NCAM2: variants seen among roughly 807,000 people sequenced by gnomAD.
NCAM2 encodes neural cell adhesion molecule 2, also known as N-CAM-2.
A neutral mutation model predicts 98.1 loss-of-function variants in NCAM2; 30 were observed. The observed-to-expected ratio is 0.31, with a 90% confidence interval of 0.23 to 0.41. NCAM2 has a LOEUF of 0.41. Ranked by LOEUF, NCAM2 falls within the 10% of genes least tolerant of loss-of-function variation. The pLI is 1.00. For synonymous variants in NCAM2, 368 were observed against 342.4 expected, an observed-to-expected ratio of 1.07 and a Z score of -0.83; for missense variants, 867 against 1,005.8, an observed-to-expected ratio of 0.86 and a Z score of 1.87.
At chr21:21,277,106 G>C (rs2072756002) in intron 1 of NCAM2, among the ~76,000 whole-genome samples, 1 of 152,022 alleles carries the variant, frequency 6.6e-6, no homozygotes. Flanking sequence ...TAGGCATTAA[G>C]TAATAATTCA....
intron 9 of NCAM2, among the ~76,000 whole-genome samples, chr21:21,402,053 A>C (rs1039107333): frequency 1.3e-5 from 2 of 152,192 alleles, no homozygotes; most frequent in Non-Finnish European, 2.9e-5. Flanking sequence ...TAACTGTACA[A>C]ATTGATTGTA....
intron 5 of NCAM2, among the ~76,000 whole-genome samples, chr21:21,308,039 TC>T (rs1234013391): frequency 3.4e-5 from 5 of 147,782 alleles, no homozygotes; most frequent in Admixed American, 1.4e-4. Flanking sequence ...ACATTATTCT[TC>T]CCCCAACAAC....
At chr21:21,208,822 C>A (rs1445157293) in intron 1 of NCAM2, among the ~76,000 whole-genome samples, 1 of 152,038 alleles carries the variant, frequency 6.6e-6, no homozygotes, top group African/African-American at 2.4e-5. Context: ...TTATATCATG[C>A]TCAGTAAGTT....
At chr21:21,010,240 A>C (rs1356804657) in intron 1 of NCAM2, among the ~76,000 whole-genome samples, 2 of 152,010 alleles carry the variant, frequency 1.3e-5, no homozygotes, top group African/African-American at 4.8e-5. Flanking sequence ...CGCTATGTTA[A>C]TGCATTTTAC....
intron 1 of NCAM2, among the ~76,000 whole-genome samples, chr21:21,050,687 T>C (rs1167131517): frequency 1.3e-5 from 2 of 152,140 alleles, no homozygotes; most frequent in African/African-American, 4.8e-5. Flanking sequence ...ACCTGAAAGA[T>C]GTTTTAGTGT....
At chr21:21,084,157 T>C (rs1035185521) in intron 1 of NCAM2, among the ~76,000 whole-genome samples, 2 of 152,214 alleles carry the variant, frequency 1.3e-5, no homozygotes, top group Admixed American at 6.5e-5. Flanking sequence ...CAGGAGGCTC[T>C]CTGGACTCTC....
At chr21:21,147,310 C>T in intron 1 of NCAM2, 9 of 965,302 alleles carry the variant, frequency 9.3e-6, no homozygotes, top group Non-Finnish European at 1.1e-5. Flanking sequence ...AAAAAAAAGA[C>T]AATTTATTTG....
intron 1 of NCAM2, among the ~76,000 whole-genome samples, chr21:21,245,467 G>A (rs1179631966): frequency 6.6e-6 from 1 of 152,132 alleles, no homozygotes; most frequent in Non-Finnish European, 1.5e-5. Flanking sequence ...GATGTACATG[G>A]GAAGTTGTTT....
chr21:21,090,373 G>T (rs1290810607), intron 1 of NCAM2, among the ~76,000 whole-genome samples: 2 of 151,896 alleles, frequency 1.3e-5, no homozygotes, highest in African/African-American at 4.8e-5. Flanking sequence ...TAGGCCTAGG[G>T]GCCCATTAGT....
intron 5 of NCAM2, among the ~76,000 whole-genome samples, chr21:21,316,045 T>C (rs952628745): frequency 1.3e-5 from 2 of 152,308 alleles, no homozygotes; most frequent in Middle Eastern, 3.4e-3. Flanking sequence ...TTTTTATTGA[T>C]ATTTAATTGA....
At chr21:21,487,486 T>C (rs1163697486) in intron 15 of NCAM2, among the ~76,000 whole-genome samples, 1 of 152,180 alleles carries the variant, frequency 6.6e-6, no homozygotes, top group Non-Finnish European at 1.5e-5. Context: ...AGTCATTATA[T>C]ATAATCAGAA....
chr21:21,204,450 A>G (rs942873252), intron 1 of NCAM2, among the ~76,000 whole-genome samples: 3 of 152,146 alleles, frequency 2.0e-5, no homozygotes, highest in African/African-American at 7.2e-5. Flanking sequence ...AATTTGACAA[A>G]GGGATTTCTT....
chr21:21,266,205 G>C (rs1363150520), intron 1 of NCAM2, among the ~76,000 whole-genome samples: 4 of 152,066 alleles, frequency 2.6e-5, no homozygotes, highest in Non-Finnish European at 1.5e-5. Flanking sequence ...GTGGGGAGTA[G>C]AGTTGCATCT....
intron 11 of NCAM2, among the ~76,000 whole-genome samples, chr21:21,428,240 T>C (rs947811340): frequency 1.3e-4 from 20 of 152,104 alleles, no homozygotes; most frequent in Non-Finnish European, 2.9e-4. Flanking sequence ...CACTAGAAAA[T>C]AGTTTAGAAA....
At chr21:21,216,459 T>G (rs1363097043) in intron 1 of NCAM2, among the ~76,000 whole-genome samples, 1 of 152,188 alleles carries the variant, frequency 6.6e-6, no homozygotes, top group Non-Finnish European at 1.5e-5. Context: ...TTTAGCTTTA[T>G]TACTGCTAAA....
intron 1 of NCAM2, among the ~76,000 whole-genome samples, chr21:21,111,480 C>G (rs570032421): frequency 2.0e-5 from 3 of 152,040 alleles, no homozygotes; most frequent in Non-Finnish European, 2.9e-5. Flanking sequence ...ACAAGAAGAT[C>G]GAAGACTGAG....
chr21:21,448,253 A>T (rs1194825789), intron 12 of NCAM2, among the ~76,000 whole-genome samples: 1 of 152,122 alleles, frequency 6.6e-6, no homozygotes, highest in African/African-American at 2.4e-5. Flanking sequence ...AGGGACATGA[A>T]TGAAGTTGGA....
intron 1 of NCAM2, among the ~76,000 whole-genome samples, chr21:21,149,224 C>T (rs1253661076): frequency 6.6e-6 from 1 of 151,908 alleles, no homozygotes; most frequent in Admixed American, 6.6e-5. Flanking sequence ...AATTTAAAAC[C>T]TTCTTGGCAA....
chr21:21,269,294 AAAACATTT>A (rs2072408273), intron 1 of NCAM2, among the ~76,000 whole-genome samples: 1 of 152,152 alleles, frequency 6.6e-6, no homozygotes, highest in African/African-American at 2.4e-5. Flanking sequence ...TTTACTACTT[AAAACATTT>A]AAATGGTTGA....
Sources: allele counts gnomAD v4.1 joint callset (sites outside exome capture counted in the v4.1 genomes callset), GRCh38; gene constraint gnomAD v4.1.1; transcripts MANE v1.5; gene names NCBI Gene and HGNC (gene_info 2026-07-23, HGNC 2026-07-21).